Variants in CELF2 observed in about 807,000 individuals in gnomAD.
The protein encoded by CELF2 is CUG triplet repeat RNA-binding protein 2.
In CELF2, 8 loss-of-function variants were observed where a neutral mutation model predicts 62.6. The ratio of observed to expected loss-of-function variants is 0.13; its 90% CI spans 0.07 to 0.23. The LOEUF is 0.23. Ranked by LOEUF, CELF2 falls within the 10% of genes least tolerant of loss-of-function variation. The pLI is 1.00. For synonymous variants in CELF2, 258 were observed against 250.0 expected (o/e 1.03, Z -0.30); for missense variants, 333 against 671.0 (o/e 0.50, Z 5.56).
intron 2 of CELF2, among the ~76,000 whole-genome samples, chr10:10,981,591 C>G (rs757622925): frequency 2.6e-5 from 4 of 152,202 alleles, no homozygotes; most frequent in Non-Finnish European, 5.9e-5. Context: ...CAATGAAACT[C>G]AGAGGAAATA....
At chr10:11,283,990 T>TAAGTG (rs1565758243) in intron 8 of CELF2, among the ~76,000 whole-genome samples, 1 of 130,402 alleles carries the variant, frequency 7.7e-6, no homozygotes, top group Non-Finnish European at 1.6e-5. Context: ...GAGTGTGTGG[T>TAAGTG]GAGTGGATGA....
At chr10:10,629,017 T>C in the CELF2 span, among the ~76,000 whole-genome samples, 3 of 152,270 alleles carry the variant, frequency 2.0e-5, no homozygotes, top group South Asian at 6.2e-4. Flanking sequence ...ATTGCATTAA[T>C]AGACTGTGAT....
chr10:10,523,287 C>A, the CELF2 span, among the ~76,000 whole-genome samples: 1 of 152,198 alleles, frequency 6.6e-6, no homozygotes, highest in South Asian at 2.1e-4. Context: ...ACACTCTAGG[C>A]TTGACTATAC....
the CELF2 span, among the ~76,000 whole-genome samples, chr10:10,573,592 A>G: frequency 6.6e-6 from 1 of 152,186 alleles, no homozygotes; most frequent in Non-Finnish European, 1.5e-5. Flanking sequence ...CAGGAAATAG[A>G]TCTTGTGAGC....
chr10:10,575,066 T>A, the CELF2 span, among the ~76,000 whole-genome samples: 1 of 152,112 alleles, frequency 6.6e-6, no homozygotes, highest in Non-Finnish European at 1.5e-5. Context: ...TAGTTGTTCT[T>A]ATTAAAAATG....
At chr10:10,956,744 T>G (rs761274427) in intron 2 of CELF2, among the ~76,000 whole-genome samples, 1 of 151,938 alleles carries the variant, frequency 6.6e-6, no homozygotes, top group Non-Finnish European at 1.5e-5. Flanking sequence ...TTGGGCAACA[T>G]AGCAAGATCT....
Position 10,972,060 on chromosome 10 carries a change from A to G in CELF2, c.89+52061A>G, listed in dbSNP as rs1187041895. Among the ~76,000 whole-genome samples, 4 of 152,020 alleles carry G rather than the reference A, an allele frequency of 2.6e-5. No individual in the cohort carries two copies. The highest frequency in any genetic ancestry group is 4.4e-5 in the Non-Finnish European group (3 of 68,010). On this transcript the variant is annotated intron_variant, in intron 2 of 13. Coordinates refer to the CELF2 transcript ENST00000636488. This position sits in a 1 kb window ranked among gnomAD's most constrained non-coding sequence, Gnocchi z 4.4. Reference sequence around the variant, plus strand: ...TCAGTCAGTTCATCTTTACTACTCCACTGAAACAATATTGGTTGATAGAGG... The same window carrying G: ...TCAGTCAGTTCATCTTTACTACTCCGCTGAAACAATATTGGTTGATAGAGG...
At chr10:10,462,743 C>T in the CELF2 span, among the ~76,000 whole-genome samples, 3 of 148,550 alleles carry the variant, frequency 2.0e-5, no homozygotes, top group African/African-American at 7.5e-5. Context: ...GGTGTAATAG[C>T]CTGATGTACG....
the CELF2 span, among the ~76,000 whole-genome samples, chr10:10,530,202 G>A: frequency 6.6e-6 from 1 of 152,192 alleles, no homozygotes; most frequent in Non-Finnish European, 1.5e-5. Flanking sequence ...CATAGACAGA[G>A]TAGGACGTTC....
At chr10:10,494,197 C>T in the CELF2 span, among the ~76,000 whole-genome samples, 2 of 152,352 alleles carry the variant, frequency 1.3e-5, no homozygotes, top group East Asian at 3.9e-4. Flanking sequence ...AGGAATCACT[C>T]TCTCTCCAGT....
chr10:10,979,433 G>A (rs1168343000), intron 2 of CELF2, among the ~76,000 whole-genome samples: 2 of 152,186 alleles, frequency 1.3e-5, no homozygotes, highest in African/African-American at 4.8e-5. Flanking sequence ...CACTTTGGGA[G>A]GCCTAGGCCG....
At chr10:10,808,479 G>A (rs2055476193) in intron 1 of CELF2, among the ~76,000 whole-genome samples, 1 of 152,038 alleles carries the variant, frequency 6.6e-6, no homozygotes, top group Non-Finnish European at 1.5e-5. Flanking sequence ...AGTCAGTTTG[G>A]TATCATGAAG....
At chr10:10,798,843 ATCCTG>A in intron 1 of CELF2, 1 of 398,882 alleles carries the variant, frequency 2.5e-6, no homozygotes, top group Non-Finnish European at 4.4e-6. Context: ...TTTCTCTTGC[ATCCTG>A]GTTTGAGTTC....
At chr10:10,504,953 T>C in the CELF2 span, among the ~76,000 whole-genome samples, 1 of 152,186 alleles carries the variant, frequency 6.6e-6, no homozygotes, top group African/African-American at 2.4e-5. Flanking sequence ...ATGTTTGTAA[T>C]TGCTTGTTGA....
chr10:10,883,748 G>A (rs1049203344), intron 1 of CELF2, among the ~76,000 whole-genome samples: 2 of 152,118 alleles, frequency 1.3e-5, no homozygotes, highest in African/African-American at 4.8e-5. Flanking sequence ...TACAGCCAAG[G>A]CCACTTGCTG....
At chr10:11,273,268 G>A (rs1020622839) in intron 7 of CELF2, among the ~76,000 whole-genome samples, 4 of 152,036 alleles carry the variant, frequency 2.6e-5, no homozygotes, top group East Asian at 1.9e-4. Flanking sequence ...GGACCGCCCA[G>A]CAGGAGAGGA....
chr10:11,194,774 C>T (rs1049527190), intron 2 of CELF2, among the ~76,000 whole-genome samples: 15 of 152,286 alleles, frequency 9.8e-5, no homozygotes, highest in South Asian at 2.1e-4. Flanking sequence ...ACATTGCTTG[C>T]GAATGCTCAC....
Position 11,275,048 on chromosome 10 carries a change from C to G in CELF2, c.778-9C>G. On this transcript the variant is annotated splice_polypyrimidine_tract_variant and intron_variant, in intron 7 of 12. Coordinates refer to ENST00000633077, the MANE Select transcript of CELF2 (RefSeq NM_001326342.2). Reference sequence around the variant, plus strand: ...CGTCTCCACTTTGCCCTTGTGTGTTCATCCGCAGCTCCTGCAGCAGGCCAC... The same window carrying G: ...CGTCTCCACTTTGCCCTTGTGTGTTGATCCGCAGCTCCTGCAGCAGGCCAC... The G allele has an allele frequency of 1.9e-6, 3 of 1,614,040 alleles. No homozygotes were observed. Among genetic ancestry groups the G allele is most frequent in the Non-Finnish European group, 1.7e-6 (2 of 1,179,912 alleles).
Position 11,211,813 on chromosome 10 carries a change from AGTGTGTGTGT to A in CELF2, c.272-5579_272-5570del, listed in dbSNP as rs869213973. 5.9e-3 allele frequency among the ~76,000 whole-genome samples: 531 copies of A among 89,314 alleles called. 2 individuals are homozygous for A. Among genetic ancestry groups the A allele is most frequent in the Non-Finnish European group, 8.7e-3 (368 of 42,328 alleles). The allele number at this position is 89,314 out of a possible 152,430, so 58.6% of individuals were successfully genotyped here. A position where few individuals can be genotyped will look rare whatever the true frequency, so the allele number is the denominator to read the frequency against. On this transcript the variant is annotated intron_variant, in intron 2 of 12. Coordinates refer to ENST00000633077, the MANE Select transcript of CELF2 (RefSeq NM_001326342.2). This position sits in a 1 kb window ranked among gnomAD's most constrained non-coding sequence, Gnocchi z 4.8. ...GTGTGAGAGAGAGAGAGAGAGAGAG[AGTGTGTGTGT>A]GTGTGTGTGTGTGTGTGTGTGTGTG...
Sources: gnomAD v4.1 joint callset for allele counts (sites outside exome capture counted in the v4.1 genomes callset) on GRCh38, gnomAD v4.1.1 for gene constraint, Gnocchi (gnomAD v3.1) non-coding constraint, MANE v1.5 for transcripts, NCBI Gene and HGNC (gene_info 2026-07-23, HGNC 2026-07-21) for gene names.